The following SNAP25 variants were observed in gnomAD, a reference collection of about 807,000 sequenced individuals.
SNAP25 encodes synaptosomal-associated protein 25.
Under a neutral mutation model 28.7 loss-of-function variants are expected in SNAP25, and 3 were observed. The observed-to-expected ratio is 0.10, with a 90% CI of 0.05 to 0.27. The LOEUF is 0.27. SNAP25 is among the 10% of genes least tolerant of loss of function. SNAP25 has a pLI of 1.00. For synonymous variants in SNAP25, 61 were observed against 88.1 expected (o/e 0.69, Z 1.72); for missense variants, 117 against 278.7 (o/e 0.42, Z 4.13).
chr20:10,274,171 AG>A (rs2063646641), intron 1 of SNAP25, among the ~76,000 whole-genome samples: 1 of 152,180 alleles, frequency 6.6e-6, no homozygotes, highest in Non-Finnish European at 1.5e-5. Context: ...TCTCCGGAAT[AG>A]ACCCAGTCCT....
At chr20:10,295,846 G>C (rs1280255549) in intron 5 of SNAP25, among the ~76,000 whole-genome samples, 2 of 152,130 alleles carry the variant, frequency 1.3e-5, no homozygotes, top group Non-Finnish European at 2.9e-5. Flanking sequence ...GGCACAATAG[G>C]TATGCCTGGA....
intron 4 of SNAP25, chr20:10,292,732 G>A (rs2064025468): frequency 1.7e-6 from 1 of 586,636 alleles, no homozygotes. Flanking sequence ...CCTGTGTAGG[G>A]CAGCGGTAGC....
rs71332917 is a variant in SNAP25, at chr20:10,224,257, C to CTTTTTTTTTTTTTTTTTTTTTTT, written c.-64+5293_-64+5315dup. ...AATAAGGCATAGAGAATGTACATGT[C>CTTTTTTTTTTTTTTTTTTTTTTT]TTTTTTTTTTTTTTTTTTTTTTTTT... On this transcript the variant is annotated intron_variant, in intron 1 of 7. Coordinates refer to ENST00000254976, the MANE Select transcript of SNAP25 (RefSeq NM_130811.4). Among the ~76,000 whole-genome samples the CTTTTTTTTTTTTTTTTTTTTTTT allele has an allele frequency of 1.3e-3, 23 of 17,434 alleles. 9 individuals are homozygous for CTTTTTTTTTTTTTTTTTTTTTTT. The highest frequency in any genetic ancestry group is 1.7e-3 in the Non-Finnish European group (18 of 10,570). 11.4% of individuals were successfully genotyped at this position (17,434 alleles called of 152,430 possible).
At chr20:10,296,807 T>C (rs1272980551) in intron 5 of SNAP25, 118 bp from the exon 6 acceptor site, 2 of 1,495,582 alleles carry the variant, frequency 1.3e-6, no homozygotes, top group East Asian at 4.6e-5. Flanking sequence ...CGGTATTATC[T>C]AATGCCTCGA....
chr20:10,275,306 G>A (rs1406994165), intron 1 of SNAP25, 123 bp from the exon 2 acceptor site: 1 of 385,630 alleles, frequency 2.6e-6, no homozygotes, highest in Non-Finnish European at 4.7e-6. Flanking sequence ...GTCTGAGTAT[G>A]GCTTTCAGAT....
chr20:10,286,486 C>T (rs925403136), intron 4 of SNAP25, among the ~76,000 whole-genome samples: 4 of 151,990 alleles, frequency 2.6e-5, no homozygotes, highest in African/African-American at 9.7e-5. Context: ...ATGGGGAGCC[C>T]GAGAGCAAAG....
intron 1 of SNAP25, among the ~76,000 whole-genome samples, chr20:10,253,305 T>C (rs1339731451): frequency 6.6e-6 from 1 of 152,208 alleles, no homozygotes; most frequent in Non-Finnish European, 1.5e-5. Flanking sequence ...TCCTGGCTTC[T>C]TCACATCCAG....
intron 3 of SNAP25, among the ~76,000 whole-genome samples, chr20:10,279,531 T>G (rs1271077113): frequency 6.6e-6 from 1 of 152,212 alleles, no homozygotes; most frequent in Non-Finnish European, 1.5e-5. Context: ...AACGCACACC[T>G]TGAACTGATC....
chr20:10,226,740 G>A (rs1359122501), intron 1 of SNAP25, among the ~76,000 whole-genome samples: 1 of 152,100 alleles, frequency 6.6e-6, no homozygotes, highest in Non-Finnish European at 1.5e-5. Flanking sequence ...TACATATTAA[G>A]AACCAGCCTC....
intron 1 of SNAP25, among the ~76,000 whole-genome samples, chr20:10,226,439 G>T (rs981965428): frequency 3.9e-5 from 6 of 151,970 alleles, no homozygotes; most frequent in Admixed American, 6.6e-5. Flanking sequence ...TTAATCCATT[G>T]AACAAATATT....
intron 1 of SNAP25, among the ~76,000 whole-genome samples, chr20:10,257,454 G>A (rs896080997): frequency 1.3e-5 from 2 of 152,002 alleles, no homozygotes; most frequent in South Asian, 2.1e-4. Context: ...GGTGGCTCAC[G>A]CCTGTCCCAG....
chr20:10,306,185 G>A lies in SNAP25; in HGVS notation c.609G>A (p.Leu203=). 6.2e-7 allele frequency: 1 copy of A among 1,613,516 alleles called. No individual in the cohort carries two copies. Among genetic ancestry groups the A allele is most frequent in the Non-Finnish European group, 8.5e-7 (1 of 1,179,762 alleles). ...DEANQRATKM[L]GSG ...CCAACCAACGTGCAACAAAGATGCT[G>A]GGAAGTGGTTAAGTGTGCCCACCCG... Residue 203 remains leucine, a synonymous_variant, in exon 8 of 8, where the codon CTG becomes CTA. Coordinates refer to ENST00000254976, the MANE Select transcript of SNAP25 (RefSeq NM_130811.4).
chr20:10,290,910 T>C (rs906089259), intron 4 of SNAP25, among the ~76,000 whole-genome samples: 2 of 152,034 alleles, frequency 1.3e-5, no homozygotes, highest in Admixed American at 1.3e-4. Context: ...TGATGATGAG[T>C]TCCTTTCCCC....
intron 1 of SNAP25, among the ~76,000 whole-genome samples, chr20:10,249,130 T>C (rs2063180487): frequency 6.6e-6 from 1 of 152,252 alleles, no homozygotes; most frequent in African/African-American, 2.4e-5. Context: ...CTCGTGCCTT[T>C]CTTCTGGTGA....
At chr20:10,291,344 G>A (rs1025961383) in intron 4 of SNAP25, among the ~76,000 whole-genome samples, 2 of 152,252 alleles carry the variant, frequency 1.3e-5, no homozygotes, top group Middle Eastern at 3.4e-3. Context: ...CCTAAGTGCT[G>A]GGATCACAGG....
At chr20:10,251,958 C>T (rs2063237110) in intron 1 of SNAP25, among the ~76,000 whole-genome samples, 1 of 152,210 alleles carries the variant, frequency 6.6e-6, no homozygotes, top group Non-Finnish European at 1.5e-5. Context: ...TGACAGGTCA[C>T]TCCAGCAGCA....
intron 1 of SNAP25, among the ~76,000 whole-genome samples, chr20:10,253,744 G>A (rs1568591267): frequency 6.6e-6 from 1 of 152,186 alleles, no homozygotes; most frequent in Non-Finnish European, 1.5e-5. Context: ...AACTCCAAAG[G>A]TGTATTTGGG....
At chr20:10,263,843 A>G (rs778982093) in intron 1 of SNAP25, among the ~76,000 whole-genome samples, 4 of 152,144 alleles carry the variant, frequency 2.6e-5, no homozygotes, top group African/African-American at 4.8e-5. Flanking sequence ...CTCTGTAAAT[A>G]TTGGTTAAAT....
At chr20:10,248,201 A>G (rs1042257944) in intron 1 of SNAP25, among the ~76,000 whole-genome samples, 7 of 152,242 alleles carry the variant, frequency 4.6e-5, no homozygotes, top group Non-Finnish European at 7.3e-5. Flanking sequence ...GAAGCCAACA[A>G]AAAGTATACT....
Sources: allele counts gnomAD v4.1 joint callset (sites outside exome capture counted in the v4.1 genomes callset), GRCh38; gene constraint gnomAD v4.1.1; transcripts MANE v1.5; gene names NCBI Gene and HGNC (gene_info 2026-07-23, HGNC 2026-07-21).